The following KIF13A variants were observed in gnomAD, a reference collection of about 807,000 sequenced individuals.
The protein encoded by KIF13A is kinesin-like protein KIF13A.
A neutral mutation model predicts 212.2 loss-of-function variants in KIF13A; 79 were observed. The observed-to-expected ratio is 0.37, with a 90% CI of 0.31 to 0.45. KIF13A has a LOEUF of 0.45. Ranked by LOEUF, KIF13A falls within the 20% of genes least tolerant of loss-of-function variation. KIF13A has a pLI of 1.00. For synonymous variants in KIF13A, 789 were observed against 808.6 expected (o/e 0.98, Z 0.41); for missense variants, 1,901 against 2,209.0 (o/e 0.86, Z 2.79).
At chr6:17,781,545 G>A (rs980267887) in intron 29 of KIF13A, among the ~76,000 whole-genome samples, 6 of 150,570 alleles carry the variant, frequency 4.0e-5, no homozygotes, top group African/African-American at 1.2e-4. Flanking sequence ...GTCTGGTCTT[G>A]AACTCCTAGG....
At chr6:17,865,042 G>C (rs1378562536) in intron 4 of KIF13A, among the ~76,000 whole-genome samples, 1 of 152,222 alleles carries the variant, frequency 6.6e-6, no homozygotes, top group Non-Finnish European at 1.5e-5. Flanking sequence ...CTGTGTTCTA[G>C]AAAGTGAGAG....
In KIF13A at chr6:17,833,539, G is replaced by A. The variant is rs140160159; in HGVS notation, c.1266+422C>T. Reference sequence around the variant, plus strand: ...AAAAAAGTGATCTTTGCAATCTCTGGTTCAGCAGAAAAGGGCCCTTAAAAG... The same window carrying A: ...AAAAAAGTGATCTTTGCAATCTCTGATTCAGCAGAAAAGGGCCCTTAAAAG... On this transcript the variant is annotated intron_variant, in intron 12 of 38. Coordinates refer to ENST00000259711, the MANE Select transcript of KIF13A (RefSeq NM_022113.6). Among the ~76,000 whole-genome samples the A allele has an allele frequency of 4.8e-3, 714 of 149,190 alleles. 3 individuals carry two copies. The highest frequency in any genetic ancestry group is 7.3e-3 in the Middle Eastern group (2 of 274).
chr6:17,804,980 C>T (rs897729496), intron 19 of KIF13A, among the ~76,000 whole-genome samples: 1 of 151,948 alleles, frequency 6.6e-6, no homozygotes, highest in African/African-American at 2.4e-5. Context: ...TTTGTTTTGC[C>T]TCATCTCCTT....
intron 2 of KIF13A, among the ~76,000 whole-genome samples, chr6:17,948,929 T>G (rs898503738): frequency 1.2e-4 from 18 of 152,068 alleles, no homozygotes; most frequent in African/African-American, 3.6e-4. Flanking sequence ...CGAGTGAGCA[T>G]AAGCCCTTTG....
At chr6:17,852,742 C>T (rs1328427626) in intron 6 of KIF13A, among the ~76,000 whole-genome samples, 4 of 152,146 alleles carry the variant, frequency 2.6e-5, no homozygotes, top group African/African-American at 9.7e-5. Flanking sequence ...TACTAGTAGA[C>T]AGTATTAAAA....
chr6:17,924,628 T>C (rs920301936), intron 2 of KIF13A, among the ~76,000 whole-genome samples: 8 of 152,170 alleles, frequency 5.3e-5, no homozygotes, highest in Admixed American at 3.3e-4. Context: ...TAAATATTCT[T>C]TTTTTGCCCA....
chr6:17,794,837 CTTAT>C lies in KIF13A; in HGVS notation c.2943-137_2943-134del. On this transcript the variant is annotated intron_variant, in intron 23 of 38. Coordinates refer to ENST00000259711, the MANE Select transcript of KIF13A (RefSeq NM_022113.6). The surrounding 1 kb of genome is among the most constrained non-coding windows in gnomAD (Gnocchi z 4.1). ...CCATTTATCTTGTATAAGTTACTTC[CTTAT>C]TTAACTCTCAAAACCAACCTGTCAT... 1.1e-6 allele frequency: 1 copy of C among 918,048 alleles called. No individual in the cohort carries two copies. 56.9% of individuals were successfully genotyped at this position (918,048 alleles called of 1,614,324 possible). A position where few individuals can be genotyped will look rare whatever the true frequency, so the allele number is the denominator to read the frequency against.
rs925907732 is a variant in KIF13A, at chr6:17,768,578, G to T, written c.4581+2536C>A. 6.6e-6 allele frequency among the ~76,000 whole-genome samples: 1 copy of T among 152,172 alleles called. No individual in the cohort carries two copies. Among genetic ancestry groups the T allele is most frequent in the South Asian group, 2.1e-4 (1 of 4,832 alleles). On this transcript the variant is annotated intron_variant, in intron 38 of 38. Coordinates refer to ENST00000259711, the MANE Select transcript of KIF13A (RefSeq NM_022113.6). The surrounding 1 kb of genome is among the most constrained non-coding windows in gnomAD (Gnocchi z 5.4). ...CCCTTTATCTGAAGAGCAGCTGCAG[G>T]GCATACTGGAATTGCACTATATTTG...
In KIF13A at chr6:17,836,942, G is replaced by A. The variant is rs1766017188; in HGVS notation, c.1091C>T (p.Ala364Val). ...NHAVVNEDPN[A>V]KVIRELREEV... ...CTCCCGCAGTTCTCGGATCACTTTT[G>A]CGTTGGGGTCCTCATTCACAACAGC... The change falls in exon 11 of 39, where the codon GCA becomes GTA. Residue 364 changes from alanine to valine, a missense_variant. Transcript: ENST00000259711. 1.2e-6 allele frequency: 2 copies of A among 1,613,886 alleles called. No individual in the cohort carries two copies. The highest frequency in any genetic ancestry group is 4.5e-5 in the East Asian group (2 of 44,870).
intron 4 of KIF13A, among the ~76,000 whole-genome samples, chr6:17,860,155 T>A (rs536078443): frequency 8.0e-4 from 122 of 152,236 alleles, no homozygotes; most frequent in African/African-American, 2.7e-3. Context: ...AGGATAATTT[T>A]TACAGACTGT....
At chr6:17,853,361 G>T (rs1767842817) in intron 6 of KIF13A, among the ~76,000 whole-genome samples, 1 of 152,152 alleles carries the variant, frequency 6.6e-6, no homozygotes, top group Non-Finnish European at 1.5e-5. Flanking sequence ...GCCTGTGATG[G>T]TGTCCAGTAT....
chr6:17,950,469 G>A, intron 2 of KIF13A: 1 of 983,878 alleles, frequency 1.0e-6, no homozygotes. Context: ...GAATTTCACT[G>A]GTCAAATTTA....
chr6:17,874,886 A>C (rs1373544994), intron 3 of KIF13A, among the ~76,000 whole-genome samples: 1 of 146,922 alleles, frequency 6.8e-6, no homozygotes, highest in Non-Finnish European at 1.5e-5. Flanking sequence ...CCATTCCTGA[A>C]TTACTTCATT....
intron 4 of KIF13A, among the ~76,000 whole-genome samples, chr6:17,869,947 CCT>C (rs1465410815): frequency 1.3e-5 from 2 of 152,146 alleles, no homozygotes; most frequent in African/African-American, 2.4e-5. Context: ...CTCCACTTCC[CCT>C]GTTTTCCACC....
In KIF13A at chr6:17,834,615, T is replaced by C. The variant is rs1765761711; in HGVS notation, c.1156-544A>G. Among the ~76,000 whole-genome samples, 1 of 152,250 alleles carries C rather than the reference T, an allele frequency of 6.6e-6. No homozygotes were observed. Among genetic ancestry groups the C allele is most frequent in the Admixed American group, 6.5e-5 (1 of 15,278 alleles). Reference sequence around the variant, plus strand: ...CACAGCTGGCTAAAAAGGCAGTGGTTTCCCTTCTAGTTTGTTCAGGGAGAG... The same window carrying C: ...CACAGCTGGCTAAAAAGGCAGTGGTCTCCCTTCTAGTTTGTTCAGGGAGAG... On this transcript the variant is annotated intron_variant, in intron 11 of 38. Transcript: ENST00000259711. This position sits in a 1 kb window ranked among gnomAD's most constrained non-coding sequence, Gnocchi z 4.0.
Position 17,849,523 on chromosome 6 carries a change from T to G in KIF13A, c.718-34A>C, listed in dbSNP as rs1251769584. 1 of 1,527,674 alleles carries G rather than the reference T, an allele frequency of 6.5e-7. No homozygotes were observed. Among genetic ancestry groups the G allele is most frequent in the African/African-American group, 1.4e-5 (1 of 73,110 alleles). The allele number at this position is 1,527,674 out of a possible 1,614,324, so 94.6% of individuals were successfully genotyped here. On this transcript the variant is annotated intron_variant, in intron 8 of 38. Transcript: ENST00000259711. The surrounding 1 kb of genome is among the most constrained non-coding windows in gnomAD (Gnocchi z 5.7). Reference sequence around the variant, plus strand: ...AGGAAACGAGAGAGAGAAGAAAAACTTATCAATAAAAACCACATGGATATC... The same window carrying G: ...AGGAAACGAGAGAGAGAAGAAAAACGTATCAATAAAAACCACATGGATATC...
Position 17,764,996 on chromosome 6 carries a change from C to T in KIF13A, c.4582-50G>A. On this transcript the variant is annotated intron_variant, in intron 38 of 38. Coordinates refer to ENST00000259711, the MANE Select transcript of KIF13A (RefSeq NM_022113.6). The surrounding 1 kb of genome is among the most constrained non-coding windows in gnomAD (Gnocchi z 5.1). Reference sequence around the variant, plus strand: ...TCATTAGCTCCTTGTAGCAACTGTACTGTTGAGACAAGTTTTAAATACTTG... The same window carrying T: ...TCATTAGCTCCTTGTAGCAACTGTATTGTTGAGACAAGTTTTAAATACTTG... 7.3e-7 allele frequency: 1 copy of T among 1,377,916 alleles called. No homozygotes were observed. The allele number at this position is 1,377,916 out of a possible 1,614,324, so 85.4% of individuals were successfully genotyped here.
At position 17,794,193 on chromosome 6, in the gene KIF13A, T is replaced by C. The variant is rs1761841475; in HGVS notation, c.3222+56A>G. ...TGTTATATTGGCAAAGAGGTCCCCC[T>C]GGGACCTGCATTAACCAAGCTTTGT... On this transcript the variant is annotated intron_variant, in intron 25 of 38. Transcript: ENST00000259711. This position sits in a 1 kb window ranked among gnomAD's most constrained non-coding sequence, Gnocchi z 4.1. 1 of 1,392,090 alleles carries C rather than the reference T, an allele frequency of 7.2e-7. No individual in the cohort carries two copies. Among genetic ancestry groups the C allele is most frequent in the South Asian group, 1.3e-5 (1 of 75,376 alleles). 86.2% of individuals were successfully genotyped at this position (1,392,090 alleles called of 1,614,324 possible). A position where few individuals can be genotyped will look rare whatever the true frequency, so the allele number is the denominator to read the frequency against.
Position 17,915,704 on chromosome 6 carries a change from G to A in KIF13A, c.147-17524C>T, listed in dbSNP as rs928639375. Among the ~76,000 whole-genome samples, 7 of 152,274 alleles carry A rather than the reference G, an allele frequency of 4.6e-5. 1 individual carries two copies. The Middle Eastern group carries it at 0.017, about 370-fold the overall frequency. ...AGGCCAGGCACAGTGGCTCACGCCTGTAATCGCAGCACTTTGGGAGGCTAA... is the reference window on the plus strand; with the variant it reads ...AGGCCAGGCACAGTGGCTCACGCCTATAATCGCAGCACTTTGGGAGGCTAA... On this transcript the variant is annotated intron_variant, in intron 2 of 38. Coordinates refer to ENST00000259711, the MANE Select transcript of KIF13A (RefSeq NM_022113.6). This position sits in a 1 kb window ranked among gnomAD's most constrained non-coding sequence, Gnocchi z 4.4.
Sources: gnomAD v4.1 joint callset for allele counts (sites outside exome capture counted in the v4.1 genomes callset) on GRCh38, gnomAD v4.1.1 for gene constraint, Gnocchi (gnomAD v3.1) non-coding constraint, MANE v1.5 for transcripts, NCBI Gene and HGNC (gene_info 2026-07-23, HGNC 2026-07-21) for gene names.